Variants in TAS2R1 observed in about 807,000 individuals in gnomAD.
TAS2R1 encodes taste 2 receptor member 1, also known as taste receptor type 2 member 1.
For synonymous variants in TAS2R1, 141 were observed against 134.2 expected, an observed-to-expected ratio of 1.05 and a Z score of -0.35; for missense variants, 370 against 353.4, an observed-to-expected ratio of 1.05 and a Z score of -0.38.
At chr5:9,719,646 T>C in the TAS2R1 span, among the ~76,000 whole-genome samples, 1 of 151,920 alleles carries the variant, frequency 6.6e-6, no homozygotes, top group African/African-American at 2.4e-5. Context: ...GCTACACTTC[T>C]GGCCGGGCGC....
At chr5:9,703,549 T>A (rs1741535664) in intron 1 of TAS2R1, among the ~76,000 whole-genome samples, 2 of 152,040 alleles carry the variant, frequency 1.3e-5, no homozygotes. Flanking sequence ...CAACAACATA[T>A]ACACAAAGCA....
upstream of TAS2R1, among the ~76,000 whole-genome samples, chr5:9,630,641 G>A (rs1739856519): frequency 2.0e-5 from 3 of 151,950 alleles, no homozygotes. Context: ...AAAGTAATTA[G>A]GCTTGCACAT....
chr5:9,893,353 G>A, the TAS2R1 span, among the ~76,000 whole-genome samples: 1 of 151,866 alleles, frequency 6.6e-6, no homozygotes, highest in Non-Finnish European at 1.5e-5. Context: ...TATATCACCT[G>A]GGCCACCTGT....
the TAS2R1 span, among the ~76,000 whole-genome samples, chr5:9,886,366 A>G: frequency 1 from 142,320 of 142,772 alleles, 70,935 homozygotes; most frequent in East Asian, 1. Context: ...GACGAGTCTC[A>G]CTCTGTCGCC....
chr5:9,826,573 A>G, the TAS2R1 span, among the ~76,000 whole-genome samples: 53 of 152,234 alleles, frequency 3.5e-4, no homozygotes, highest in Non-Finnish European at 7.2e-4. Context: ...AAATACATTA[A>G]TTAGTAAATT....
At chr5:9,885,851 C>T in the TAS2R1 span, among the ~76,000 whole-genome samples, 2 of 151,814 alleles carry the variant, frequency 1.3e-5, no homozygotes, top group Non-Finnish European at 2.9e-5. Context: ...AAACAAAACT[C>T]GCACAGTGAT....
chr5:9,706,072 T>C (rs1364195393), intron 1 of TAS2R1, among the ~76,000 whole-genome samples: 6 of 152,168 alleles, frequency 3.9e-5, no homozygotes, highest in Non-Finnish European at 8.8e-5. Flanking sequence ...AAATAAGTTC[T>C]TTTAGAAATA....
intron 2 of TAS2R1, among the ~76,000 whole-genome samples, chr5:9,657,337 C>T (rs1339171382): frequency 6.6e-6 from 1 of 152,126 alleles, no homozygotes; most frequent in Non-Finnish European, 1.5e-5. Flanking sequence ...AAGTCTGTTC[C>T]ACTCAGGATT....
At chr5:9,828,988 G>A in the TAS2R1 span, among the ~76,000 whole-genome samples, 60 of 152,306 alleles carry the variant, frequency 3.9e-4, no homozygotes, top group African/African-American at 1.3e-3. Context: ...CACTGATTGT[G>A]AGGCTGAGGA....
the TAS2R1 span, among the ~76,000 whole-genome samples, chr5:9,724,344 C>CTTT: frequency 3.2e-5 from 4 of 124,666 alleles, no homozygotes; most frequent in African/African-American, 1.1e-4. Context: ...ATGTTTCTTT[C>CTTT]TTTTTTTTTT....
At chr5:9,703,464 T>A (rs375497745) in intron 1 of TAS2R1, among the ~76,000 whole-genome samples, 2 of 152,072 alleles carry the variant, frequency 1.3e-5, no homozygotes, top group African/African-American at 4.8e-5. Context: ...TAGAGCGTCA[T>A]GAGGGCACCC....
At chr5:9,798,715 TACA>T in the TAS2R1 span, among the ~76,000 whole-genome samples, 1 of 152,180 alleles carries the variant, frequency 6.6e-6, no homozygotes, top group African/African-American at 2.4e-5. Flanking sequence ...GTCACTACTT[TACA>T]ACAATTAAAT....
the TAS2R1 span, among the ~76,000 whole-genome samples, chr5:9,899,625 A>C: frequency 7.3e-6 from 1 of 136,452 alleles, no homozygotes; most frequent in Non-Finnish European, 1.6e-5. Flanking sequence ...CAACAGAGCA[A>C]GACTCTGTCT....
rs1360371544 is a variant in TAS2R1 at position 9,655,776 on chromosome 5, G to T, written c.-81+3645C>A. On this transcript the variant is annotated intron_variant, in intron 2 of 2. Coordinates refer to the TAS2R1 transcript ENST00000506620. Reference sequence around the variant, plus strand: ...TGTCTTAAAGTGTCTAGACTCTCTAGAAATCAAGGAAATACAAATTAAAAC... The same window carrying T: ...TGTCTTAAAGTGTCTAGACTCTCTATAAATCAAGGAAATACAAATTAAAAC... 2.0e-5 allele frequency among the ~76,000 whole-genome samples: 3 copies of T among 150,962 alleles called. No homozygotes were observed. The East Asian group carries it at 5.8e-4, about 29-fold the overall frequency.
At chr5:9,789,575 G>A in the TAS2R1 span, among the ~76,000 whole-genome samples, 1 of 152,190 alleles carries the variant, frequency 6.6e-6, no homozygotes, top group East Asian at 1.9e-4. Context: ...GAAAAAATGT[G>A]TGAATTAAGG....
At chr5:9,845,538 A>C in the TAS2R1 span, among the ~76,000 whole-genome samples, 1 of 152,204 alleles carries the variant, frequency 6.6e-6, no homozygotes, top group Non-Finnish European at 1.5e-5. Context: ...TTAGTTGTCA[A>C]GTGTGAAAAA....
intron 2 of TAS2R1, among the ~76,000 whole-genome samples, chr5:9,639,571 T>C (rs747363578): frequency 1.3e-5 from 2 of 152,222 alleles, no homozygotes; most frequent in Admixed American, 6.5e-5. Context: ...GAGCAAAAGA[T>C]CATGATGTGA....
chr5:9,724,782 G>A, the TAS2R1 span, among the ~76,000 whole-genome samples: 6 of 152,180 alleles, frequency 3.9e-5, no homozygotes, highest in African/African-American at 1.4e-4. Flanking sequence ...CCACTTGGCT[G>A]GACACTGGGA....
chr5:9,898,262 GGAA>G, the TAS2R1 span, among the ~76,000 whole-genome samples: 270 of 152,248 alleles, frequency 1.8e-3, 5 homozygotes, highest in East Asian at 0.043. Context: ...TTACTGAGTA[GGAA>G]GTACAGAATT....
Sources: allele counts gnomAD v4.1 joint callset (sites outside exome capture counted in the v4.1 genomes callset), GRCh38; gene constraint gnomAD v4.1.1; transcripts MANE v1.5; gene names NCBI Gene and HGNC (gene_info 2026-07-23, HGNC 2026-07-21).